The following ANO10 variants were observed in gnomAD, a reference collection of about 807,000 sequenced individuals.
ANO10 encodes the protein anoctamin 10.
In ANO10, 77 loss-of-function variants were observed where a neutral mutation model predicts 74.7. That is an observed-to-expected ratio of 1.03 (90% CI 0.86 to 1.25). ANO10 has a LOEUF of 1.25. Among genes scored for constraint, ANO10 ranks in the 50% most tolerant of loss-of-function variants. The pLI is 0.00. For missense variants in ANO10, 721 were observed against 778.1 expected (o/e 0.93, Z 0.87); for synonymous variants, 279 against 284.9 (o/e 0.98, Z 0.21).
chr3:43,426,808 T>G (rs977018807), intron 12 of ANO10, among the ~76,000 whole-genome samples: 2 of 152,246 alleles, frequency 1.3e-5, no homozygotes. Flanking sequence ...CCTAATCATT[T>G]GAAAATGCCC....
intron 11 of ANO10, among the ~76,000 whole-genome samples, chr3:43,540,425 T>C (rs1227523927): frequency 6.6e-6 from 1 of 152,194 alleles, no homozygotes; most frequent in African/African-American, 2.4e-5. Flanking sequence ...TGGCTGTCCA[T>C]ATTCTGATGA....
At chr3:43,690,926 C>G (rs527265002) in intron 1 of ANO10, 4 of 1,510,300 alleles carry the variant, frequency 2.6e-6, no homozygotes, top group South Asian at 2.5e-5. Context: ...CCGCGCCAGC[C>G]CGGGGCGGCC....
At chr3:43,664,744 A>G (rs548703380) in intron 1 of ANO10, among the ~76,000 whole-genome samples, 1 of 152,344 alleles carries the variant, frequency 6.6e-6, no homozygotes, top group African/African-American at 2.4e-5. Context: ...TCTCAAAAGA[A>G]GATATTTATG....
intron 1 of ANO10, among the ~76,000 whole-genome samples, chr3:43,684,924 C>A (rs2084255542): frequency 6.6e-6 from 1 of 152,104 alleles, no homozygotes; most frequent in African/African-American, 2.4e-5. Context: ...CACACCGGGG[C>A]CTGTTGTGGG....
chr3:43,631,964 T>A (rs2083552789), intron 1 of ANO10, among the ~76,000 whole-genome samples: 1 of 151,220 alleles, frequency 6.6e-6, no homozygotes, highest in Non-Finnish European at 1.5e-5. Flanking sequence ...TCCCAGCTAC[T>A]TGGGAGGCTG....
intron 11 of ANO10, among the ~76,000 whole-genome samples, chr3:43,449,007 G>A (rs1030249676): frequency 1.3e-5 from 2 of 151,876 alleles, no homozygotes; most frequent in South Asian, 4.2e-4. Context: ...TAGTAGCTGA[G>A]ATTACAGGTA....
intron 12 of ANO10, among the ~76,000 whole-genome samples, chr3:43,417,742 G>C (rs2092763193): frequency 6.6e-6 from 1 of 151,950 alleles, no homozygotes; most frequent in South Asian, 2.1e-4. Flanking sequence ...GGCTGTGCGA[G>C]GATTAATAAA....
chr3:43,592,479 G>A (rs897162408), intron 4 of ANO10, among the ~76,000 whole-genome samples: 1 of 152,228 alleles, frequency 6.6e-6, no homozygotes, highest in Non-Finnish European at 1.5e-5. Flanking sequence ...TGGTACCCAG[G>A]CAAACAGGGT....
At chr3:43,609,983 C>T (rs2082735605) in intron 1 of ANO10, among the ~76,000 whole-genome samples, 1 of 151,994 alleles carries the variant, frequency 6.6e-6, no homozygotes, top group East Asian at 1.9e-4. Context: ...TACATTTAGG[C>T]TATACTAAAT....
At chr3:43,450,727 C>T (rs1371545611) in intron 11 of ANO10, among the ~76,000 whole-genome samples, 1 of 152,058 alleles carries the variant, frequency 6.6e-6, no homozygotes, top group East Asian at 1.9e-4. Context: ...TGAACTAAAG[C>T]CATAAGAAAG....
chr3:43,401,155 G>GT (rs2092473969), intron 12 of ANO10, among the ~76,000 whole-genome samples: 1 of 152,068 alleles, frequency 6.6e-6, no homozygotes, highest in Non-Finnish European at 1.5e-5. Flanking sequence ...CTTTTGTTTT[G>GT]TTTGATTTTT....
chr3:43,587,649 G>C (rs868001056), intron 4 of ANO10, among the ~76,000 whole-genome samples: 6 of 152,172 alleles, frequency 3.9e-5, no homozygotes, highest in Admixed American at 6.5e-5. Context: ...ATAGACTTTG[G>C]GGGTAGCAGC....
At chr3:43,402,489 A>C (rs1432462946) in intron 12 of ANO10, among the ~76,000 whole-genome samples, 3 of 152,206 alleles carry the variant, frequency 2.0e-5, no homozygotes, top group African/African-American at 7.2e-5. Flanking sequence ...CCAGGGCTCC[A>C]GGGTGATCTG....
intron 4 of ANO10, among the ~76,000 whole-genome samples, chr3:43,589,719 T>A (rs1253130390): frequency 2.0e-5 from 3 of 152,200 alleles, no homozygotes; most frequent in African/African-American, 7.2e-5. Flanking sequence ...ACAATTTCAC[T>A]TCTGGGAATT....
chr3:43,498,874 C>A (rs1275206026), intron 11 of ANO10, among the ~76,000 whole-genome samples: 1 of 152,160 alleles, frequency 6.6e-6, no homozygotes, highest in African/African-American at 2.4e-5. Context: ...TTAATCCTTG[C>A]TATATGCATA....
intron 12 of ANO10, among the ~76,000 whole-genome samples, chr3:43,400,856 A>T (rs1014220025): frequency 6.6e-6 from 1 of 152,192 alleles, no homozygotes; most frequent in Non-Finnish European, 1.5e-5. Flanking sequence ...GCACAGGCAC[A>T]GTGAGATGAG....
chr3:43,652,227 A>C (rs975798236), intron 1 of ANO10, among the ~76,000 whole-genome samples: 1 of 152,126 alleles, frequency 6.6e-6, no homozygotes, highest in Admixed American at 6.6e-5. Context: ...GGGGGCTTAC[A>C]TACCCTGATT....
intron 12 of ANO10, among the ~76,000 whole-genome samples, chr3:43,403,417 A>G (rs2092518756): frequency 6.6e-6 from 1 of 152,252 alleles, no homozygotes; most frequent in Non-Finnish European, 1.5e-5. Flanking sequence ...CAAGAGAAAG[A>G]TCATCTGGGC....
intron 7 of ANO10, 70 bp from the exon 8 acceptor site, chr3:43,565,797 G>A (rs2080291512): frequency 1.3e-6 from 2 of 1,484,160 alleles, no homozygotes; most frequent in South Asian, 1.2e-5. Flanking sequence ...CAACTGTAAT[G>A]CAGCATTTAA....
Sources: allele counts gnomAD v4.1 joint callset (sites outside exome capture counted in the v4.1 genomes callset), GRCh38; gene constraint gnomAD v4.1.1; transcripts MANE v1.5; gene names NCBI Gene and HGNC (gene_info 2026-07-23, HGNC 2026-07-21).